RIMS2: variants seen among roughly 807,000 people sequenced by gnomAD.
RIMS2 encodes the protein regulating synaptic membrane exocytosis 2, also known as regulating synaptic membrane exocytosis protein 2.
Under a neutral mutation model 174.4 loss-of-function variants are expected in RIMS2, and 59 were observed. The observed-to-expected ratio is 0.34, with a 90% CI of 0.27 to 0.42. RIMS2 has a LOEUF of 0.42. Ranked by LOEUF, RIMS2 falls within the 10% of genes least tolerant of loss-of-function variation. The probability of loss-of-function intolerance (pLI) is 1.00; values close to 1 mark genes in which losing one functional copy is unlikely to be tolerated. For missense variants in RIMS2, 1,620 were observed against 1,666.3 expected, an observed-to-expected ratio of 0.97 and a Z score of 0.48; for synonymous variants, 606 against 572.5, an observed-to-expected ratio of 1.06 and a Z score of -0.84.
intron 19 of RIMS2, among the ~76,000 whole-genome samples, chr8:104,103,424 A>T (rs752330337): frequency 2.0e-5 from 3 of 152,184 alleles, no homozygotes; most frequent in Non-Finnish European, 4.4e-5. Context: ...TGTCTCCAGA[A>T]AAAAGTGAGG....
intron 3 of RIMS2, among the ~76,000 whole-genome samples, chr8:103,867,644 T>A (rs1408653846): frequency 3.3e-5 from 5 of 151,984 alleles, no homozygotes; most frequent in African/African-American, 1.2e-4. Context: ...GTTCTACTTA[T>A]GCTTCTGTGC....
rs752898404 is a variant in RIMS2 at position 103,912,102 on chromosome 8, G to A, written c.1742G>A (p.Arg581His). 60 of 1,605,192 alleles carry A rather than the reference G, an allele frequency of 3.7e-5. No homozygotes were observed. Among genetic ancestry groups the A allele is most frequent in the Admixed American group, 1.7e-4 (10 of 59,806 alleles). ...AAAGATGGAGATCGTTTAATTGGTC[G>A]CATTTTATTAAATAAGCGTCTAAAA... Residue 581 changes from arginine to histidine, a missense_variant, in exon 6 of 24, where the codon CGC becomes CAC. Coordinates refer to ENST00000504942, the Ensembl canonical transcript of RIMS2.
At chr8:104,026,170 T>C (rs1406554715) in intron 19 of RIMS2, among the ~76,000 whole-genome samples, 4 of 152,180 alleles carry the variant, frequency 2.6e-5, no homozygotes, top group African/African-American at 9.6e-5. Context: ...TGGAAATAAA[T>C]AGAATTGGAT....
chr8:104,138,109 G>A (rs1310959264), intron 19 of RIMS2, among the ~76,000 whole-genome samples: 2 of 152,136 alleles, frequency 1.3e-5, no homozygotes, highest in African/African-American at 4.8e-5. Flanking sequence ...CCATGTTGTT[G>A]TAAATGATAG....
At chr8:104,178,143 G>A (rs1042235338) in intron 19 of RIMS2, among the ~76,000 whole-genome samples, 1 of 152,146 alleles carries the variant, frequency 6.6e-6, no homozygotes, top group African/African-American at 2.4e-5. Flanking sequence ...GGCTCAGCTG[G>A]TTCTCTGCTT....
intron 2 of RIMS2, among the ~76,000 whole-genome samples, chr8:103,731,843 A>G (rs1357660588): frequency 6.6e-6 from 1 of 152,136 alleles, no homozygotes; most frequent in Admixed American, 6.5e-5. Flanking sequence ...AGGATTCTGA[A>G]TTCCTTCTCC....
chr8:103,677,105 A>G lies in RIMS2; in HGVS notation c.177-19981A>G, dbSNP rs1590150310. Among the ~76,000 whole-genome samples, 3 of 152,192 alleles carry G rather than the reference A, an allele frequency of 2.0e-5. No individual in the cohort carries two copies. The South Asian group carries it at 6.2e-4, about 32-fold the overall frequency. On this transcript the variant is annotated intron_variant, in intron 1 of 23. Transcript: ENST00000504942. ...CAAGTGTTTGATGCTTTTGGGGCTT[A>G]ATACTTATACAGGTAAATGTAGATA...
At chr8:104,050,616 ATAAAG>A in intron 19 of RIMS2, among the ~76,000 whole-genome samples, 1 of 152,346 alleles carries the variant, frequency 6.6e-6, no homozygotes, top group South Asian at 2.1e-4. Context: ...AATTTATGCT[ATAAAG>A]TATTTTTGCA....
chr8:104,133,856 G>A, intron 19 of RIMS2, among the ~76,000 whole-genome samples: 1 of 152,122 alleles, frequency 6.6e-6, no homozygotes, highest in Non-Finnish European at 1.5e-5. Flanking sequence ...ACTCTTTACT[G>A]AAATAAGGAA....
chr8:103,995,470 CAGAG>C (rs1164168015), intron 17 of RIMS2, among the ~76,000 whole-genome samples: 2 of 151,810 alleles, frequency 1.3e-5, no homozygotes, highest in African/African-American at 4.8e-5. Flanking sequence ...GCAGTGGAGA[CAGAG>C]GGAGAATGGT....
Position 104,173,159 on chromosome 8 carries a change from A to G in RIMS2, c.3335-71757A>G, listed in dbSNP as rs551904858. On this transcript the variant is annotated intron_variant, in intron 19 of 23. Coordinates refer to ENST00000504942, the Ensembl canonical transcript of RIMS2. ...CTCATTTTTGGTCTTTTATTTTTTG[A>G]TCAATGTAAGTGTTTAAGACTATGA... 9.2e-5 allele frequency among the ~76,000 whole-genome samples: 14 copies of G among 152,198 alleles called. No individual in the cohort carries two copies. In the South Asian group the frequency reaches 2.7e-3, roughly 29 times the overall value.
chr8:103,986,199 T>C (rs982208593), intron 16 of RIMS2, among the ~76,000 whole-genome samples: 1 of 152,180 alleles, frequency 6.6e-6, no homozygotes, highest in East Asian at 1.9e-4. Flanking sequence ...ACCATAAATA[T>C]GTGCAATGTT....
chr8:103,557,266 G>C (rs1287105222), intron 1 of RIMS2, among the ~76,000 whole-genome samples: 1 of 152,158 alleles, frequency 6.6e-6, no homozygotes. Flanking sequence ...GGCTAGGATA[G>C]AACTACCTTA....
intron 3 of RIMS2, among the ~76,000 whole-genome samples, chr8:103,882,806 A>G (rs982339135): frequency 6.6e-6 from 1 of 151,660 alleles, no homozygotes; most frequent in Admixed American, 6.6e-5. Context: ...GGAAGTAAAT[A>G]TTCTTATTTA....
rs552302346 is a variant in RIMS2 at position 103,655,750 on chromosome 8, G to C, written c.177-41336G>C. On this transcript the variant is annotated intron_variant, in intron 1 of 23. Coordinates refer to ENST00000504942, the Ensembl canonical transcript of RIMS2. ...TTTAAGTAGCAAGGGACACAAAGAA[G>C]ACCAAGATGGGTGTAGTATAGTAGA... Among the ~76,000 whole-genome samples the C allele has an allele frequency of 3.4e-4, 51 of 152,190 alleles. No homozygotes were observed. In the South Asian group the frequency reaches 0.011, roughly 32 times the overall value.
chr8:103,895,598 C>A (rs1334862538), intron 4 of RIMS2, among the ~76,000 whole-genome samples: 1 of 151,462 alleles, frequency 6.6e-6, no homozygotes, highest in Non-Finnish European at 1.5e-5. Flanking sequence ...GAGGGGCATG[C>A]AGACATTTAG....
chr8:104,183,472 T>G (rs1280172705), intron 19 of RIMS2, among the ~76,000 whole-genome samples: 3 of 151,602 alleles, frequency 2.0e-5, no homozygotes, highest in Admixed American at 6.6e-5. Flanking sequence ...TTGCAGATGT[T>G]TAAGGATAAT....
In RIMS2 at chr8:103,886,269, G is replaced by T. The variant is rs1044069691; in HGVS notation, c.1624+46G>T. The T allele has an allele frequency of 5.7e-5, 83 of 1,459,328 alleles. 3 individuals are homozygous for T. The South Asian group carries it at 1.1e-3, about 19-fold the overall frequency. 90.4% of individuals were successfully genotyped at this position (1,459,328 alleles called of 1,614,324 possible). The stretch of plus-strand genomic sequence containing the variant: ...TTTTGCTGTAATTGATTAGATAAGC[G>T]TTTTTTTTAATAGATTGCATTTCTG... On this transcript the variant is annotated intron_variant, in intron 4 of 23. Coordinates refer to ENST00000504942, the Ensembl canonical transcript of RIMS2.
At chr8:103,795,114 T>G (rs997750216) in intron 3 of RIMS2, among the ~76,000 whole-genome samples, 1 of 152,238 alleles carries the variant, frequency 6.6e-6, no homozygotes, top group Non-Finnish European at 1.5e-5. Context: ...TAAATCATGC[T>G]GCTATACAGA....
Sources: gnomAD v4.1 joint callset for allele counts (sites outside exome capture counted in the v4.1 genomes callset) on GRCh38, gnomAD v4.1.1 for gene constraint, MANE v1.5 for transcripts, NCBI Gene and HGNC (gene_info 2026-07-23, HGNC 2026-07-21) for gene names.